Variants in PTPRD observed in about 807,000 individuals in gnomAD.
PTPRD encodes the protein protein tyrosine phosphatase receptor type D.
In PTPRD, 34 loss-of-function variants were observed where a neutral mutation model predicts 214.5. That is an observed-to-expected ratio of 0.16 (90% CI 0.12 to 0.21). The LOEUF (loss-of-function observed/expected upper bound fraction) is 0.21. PTPRD is among the 10% of genes least tolerant of loss of function. The pLI is 1.00. For synonymous variants in PTPRD, 1,128 were observed against 845.7 expected (o/e 1.33, Z -5.79); for missense variants, 2,545 against 2,398.7 (o/e 1.06, Z -1.27).
At chr9:9,692,626 T>A (rs1469358296) in intron 7 of PTPRD, among the ~76,000 whole-genome samples, 1 of 134,288 alleles carries the variant, frequency 7.4e-6, no homozygotes, top group African/African-American at 2.8e-5. Context: ...TGTGATTCTA[T>A]ATAAATTTTA....
At chr9:9,720,206 T>C (rs1205665733) in intron 7 of PTPRD, among the ~76,000 whole-genome samples, 1 of 152,186 alleles carries the variant, frequency 6.6e-6, no homozygotes, top group Admixed American at 6.5e-5. Flanking sequence ...GGGGTAGCAG[T>C]GAGCATTTTC....
intron 8 of PTPRD, among the ~76,000 whole-genome samples, chr9:9,469,913 C>G (rs1287006551): frequency 6.6e-6 from 1 of 152,132 alleles, no homozygotes; most frequent in Non-Finnish European, 1.5e-5. Context: ...GAATCATTCT[C>G]AGGCTATGGG....
intron 3 of PTPRD, among the ~76,000 whole-genome samples, chr9:10,095,087 G>A (rs1002925816): frequency 2.0e-5 from 3 of 151,164 alleles, no homozygotes; most frequent in African/African-American, 7.3e-5. Context: ...TTTTCAAAGA[G>A]GAAAGAGGCA....
At chr9:8,636,571 C>G in intron 13 of PTPRD, 128 bp downstream of exon 13, 1 of 1,172,334 alleles carries the variant, frequency 8.5e-7, no homozygotes, top group Non-Finnish European at 1.2e-6. Context: ...TTTTCCATCA[C>G]TTGCAATGTA....
intron 4 of PTPRD, among the ~76,000 whole-genome samples, chr9:10,011,110 C>T (rs1377820261): frequency 2.0e-5 from 3 of 151,938 alleles, no homozygotes; most frequent in Admixed American, 1.3e-4. Context: ...CCCTTCACCA[C>T]ACCTTATACC....
intron 11 of PTPRD, among the ~76,000 whole-genome samples, chr9:9,003,908 G>T: frequency 6.6e-6 from 1 of 152,048 alleles, no homozygotes; most frequent in East Asian, 1.9e-4. Flanking sequence ...GTGATTTGTT[G>T]TCTTTTAAAC....
chr9:9,562,313 T>C (rs2083179304), intron 8 of PTPRD, among the ~76,000 whole-genome samples: 1 of 152,198 alleles, frequency 6.6e-6, no homozygotes, highest in Non-Finnish European at 1.5e-5. Context: ...TAAATTCTTT[T>C]CATTGCCTCC....
chr9:9,807,668 A>T (rs1156786371), intron 5 of PTPRD, among the ~76,000 whole-genome samples: 1 of 152,214 alleles, frequency 6.6e-6, no homozygotes, highest in Non-Finnish European at 1.5e-5. Flanking sequence ...GAAACAAAAG[A>T]CATCATTCTA....
chr9:9,763,101 C>G (rs930002903), intron 6 of PTPRD, among the ~76,000 whole-genome samples: 2 of 152,156 alleles, frequency 1.3e-5, no homozygotes, highest in South Asian at 4.1e-4. Context: ...AGGATCCCAC[C>G]TTTATGACCT....
At chr9:9,904,559 T>G (rs191559500) in intron 5 of PTPRD, among the ~76,000 whole-genome samples, 1 of 152,184 alleles carries the variant, frequency 6.6e-6, no homozygotes, top group Non-Finnish European at 1.5e-5. Context: ...ATGGCCACAG[T>G]AATTTTTTTA....
At chr9:9,339,443 G>A (rs566344831) in intron 9 of PTPRD, among the ~76,000 whole-genome samples, 4 of 151,822 alleles carry the variant, frequency 2.6e-5, no homozygotes, top group Non-Finnish European at 4.4e-5. Flanking sequence ...CCGAGATCTC[G>A]CCACTGCACT....
At position 9,753,374 on chromosome 9, in the gene PTPRD, G is replaced by A. The variant is rs184134944; in HGVS notation, c.-326+13436C>T. 6.6e-5 allele frequency among the ~76,000 whole-genome samples: 10 copies of A among 152,138 alleles called. No individual in the cohort carries two copies. The East Asian group carries it at 1.5e-3, about 24-fold the overall frequency. Reference sequence around the variant, plus strand: ...GTGAATTATAGCTGGACCCGCCAGAGCTGGTATAGTTAAGTGTCTGTCAGT... The same window carrying A: ...GTGAATTATAGCTGGACCCGCCAGAACTGGTATAGTTAAGTGTCTGTCAGT... On this transcript the variant is annotated intron_variant, in intron 6 of 45. Transcript: ENST00000381196.
chr9:9,272,715 G>C (rs1169075439), intron 9 of PTPRD, among the ~76,000 whole-genome samples: 1 of 151,244 alleles, frequency 6.6e-6, no homozygotes. Context: ...TCAGAAGTCA[G>C]TTTCTTGTTT....
intron 3 of PTPRD, among the ~76,000 whole-genome samples, chr9:10,198,533 G>A (rs944452138): frequency 2.6e-5 from 4 of 152,250 alleles, no homozygotes; most frequent in Non-Finnish European, 5.9e-5. Flanking sequence ...GAAGGCATTA[G>A]CATTATGGGC....
At chr9:8,809,689 C>T (rs1050739241) in intron 11 of PTPRD, among the ~76,000 whole-genome samples, 1 of 152,164 alleles carries the variant, frequency 6.6e-6, no homozygotes, top group South Asian at 2.1e-4. Flanking sequence ...TATGATATAG[C>T]TGGCATAAGG....
intron 14 of PTPRD, among the ~76,000 whole-genome samples, chr9:8,626,789 G>A (rs996247643): frequency 6.6e-6 from 1 of 151,662 alleles, no homozygotes; most frequent in Non-Finnish European, 1.5e-5. Context: ...TTGCCAGCCT[G>A]TGGACTAGAA....
At chr9:8,781,871 T>C (rs1550000) in intron 11 of PTPRD, among the ~76,000 whole-genome samples, 22,335 of 152,208 alleles carry the variant, frequency 0.15, 1,733 homozygotes, top group Middle Eastern at 0.18. Flanking sequence ...TCACTCTGTA[T>C]GCCTAACAGG....
chr9:8,589,016 A>T (rs933734376), intron 14 of PTPRD, among the ~76,000 whole-genome samples: 3 of 152,202 alleles, frequency 2.0e-5, no homozygotes, highest in African/African-American at 4.8e-5. Flanking sequence ...AAATCCCTAT[A>T]GATTCTTACT....
intron 3 of PTPRD, among the ~76,000 whole-genome samples, chr9:10,034,203 A>T (rs565248330): frequency 6.6e-6 from 1 of 152,218 alleles, no homozygotes; most frequent in South Asian, 2.1e-4. Flanking sequence ...TTTGTTGATT[A>T]ACCACAAACC....
Sources: allele counts gnomAD v4.1 joint callset (sites outside exome capture counted in the v4.1 genomes callset), GRCh38; gene constraint gnomAD v4.1.1; transcripts MANE v1.5; gene names NCBI Gene and HGNC (gene_info 2026-07-23, HGNC 2026-07-21).